PTPN4: variants seen among roughly 807,000 people sequenced by gnomAD.
PTPN4 encodes tyrosine-protein phosphatase non-receptor type 4.
A neutral mutation model predicts 135.5 loss-of-function variants in PTPN4; 49 were observed. That is an observed-to-expected ratio of 0.36 (90% CI 0.29 to 0.46). The LOEUF (loss-of-function observed/expected upper bound fraction) is 0.46. PTPN4 is among the 20% of genes least tolerant of loss of function. The probability of loss-of-function intolerance (pLI) is 1.00; values close to 1 mark genes in which losing one functional copy is unlikely to be tolerated. For synonymous variants in PTPN4, 333 were observed against 369.9 expected, an observed-to-expected ratio of 0.90 and a Z score of 1.14; for missense variants, 860 against 1,101.0, an observed-to-expected ratio of 0.78 and a Z score of 3.10.
intron 22 of PTPN4, among the ~76,000 whole-genome samples, chr2:119,958,608 A>G (rs1159379629): frequency 6.6e-6 from 1 of 152,194 alleles, no homozygotes; most frequent in East Asian, 1.9e-4. Context: ...CGATGTTGTC[A>G]TGCTCTAGAA....
intron 9 of PTPN4, among the ~76,000 whole-genome samples, chr2:119,889,113 T>C (rs1678201402): frequency 6.6e-6 from 1 of 152,108 alleles, no homozygotes; most frequent in South Asian, 2.1e-4. Context: ...TGTCAGCTTG[T>C]AGTTGTTCGT....
At chr2:119,811,994 A>C (rs1438558564) in intron 2 of PTPN4, among the ~76,000 whole-genome samples, 5 of 152,112 alleles carry the variant, frequency 3.3e-5, no homozygotes, top group African/African-American at 1.2e-4. Context: ...CTGTGGTGCT[A>C]GAAACTTTCT....
chr2:119,761,128 T>C lies in PTPN4; in HGVS notation c.-18+744T>C, dbSNP rs78296585. 3.5e-3 allele frequency among the ~76,000 whole-genome samples: 534 copies of C among 152,294 alleles called. 3 individuals are homozygous for C. Among genetic ancestry groups the C allele is most frequent in the African/African-American group, 0.013 (521 of 41,556 alleles). ...TGCAATATGCCAGCTGCTTTTCGAA[T>C]AAGAGGTTTCAGTAATACTAAGTTT... On this transcript the variant is annotated intron_variant, in intron 1 of 26. Transcript: ENST00000263708.
At position 119,769,051 on chromosome 2, in the gene PTPN4, A is replaced by G. The variant is rs17049896; in HGVS notation, c.-18+8667A>G. On this transcript the variant is annotated intron_variant, in intron 1 of 26. Coordinates refer to ENST00000263708, the MANE Select transcript of PTPN4 (RefSeq NM_002830.4). Reference sequence around the variant, plus strand: ...GGTTGTATAGATGGTAGCTGAAGCAATGGGTGGGACTGTCACTGCTTATGA... The same window carrying G: ...GGTTGTATAGATGGTAGCTGAAGCAGTGGGTGGGACTGTCACTGCTTATGA... 2.3e-3 allele frequency among the ~76,000 whole-genome samples: 353 copies of G among 152,340 alleles called. 17 individuals are homozygous for G. In the East Asian group the frequency reaches 0.048, roughly 21 times the overall value.
intron 12 of PTPN4, among the ~76,000 whole-genome samples, chr2:119,920,802 A>G (rs529526446): frequency 2.0e-5 from 3 of 152,216 alleles, no homozygotes; most frequent in South Asian, 2.1e-4. Context: ...TTTGGGGAAT[A>G]ACTAAATCTG....
At chr2:119,776,928 T>G (rs1020285852) in intron 1 of PTPN4, among the ~76,000 whole-genome samples, 7 of 152,232 alleles carry the variant, frequency 4.6e-5, no homozygotes, top group African/African-American at 1.7e-4. Flanking sequence ...TCAGTGCCCC[T>G]AAACCCTGCA....
intron 1 of PTPN4, among the ~76,000 whole-genome samples, chr2:119,766,793 T>G (rs958510372): frequency 6.6e-6 from 1 of 151,930 alleles, no homozygotes; most frequent in Non-Finnish European, 1.5e-5. Flanking sequence ...AATATAGATA[T>G]GAGATTAGAA....
rs1024619796 is a variant in PTPN4 at position 119,956,933 on chromosome 2, T to G, written c.2070T>G (p.Pro690=). The change falls in exon 21 of 27, where the codon CCT becomes CCG. Residue 690 remains proline (P), a splice_region_variant and synonymous_variant. Coordinates refer to ENST00000263708, the MANE Select transcript of PTPN4 (RefSeq NM_002830.4). Reference sequence around the variant, plus strand: ...AAAATAGATACAGAGATATTTCGCCTTGTAAGTATCTTATTGTCTCTGTTA... The same window carrying G: ...AAAATAGATACAGAGATATTTCGCCGTGTAAGTATCTTATTGTCTCTGTTA... ...ISKNRYRDIS[P]YDATRVILKG... 10 of 1,609,876 alleles carry G rather than the reference T, an allele frequency of 6.2e-6. No homozygotes were observed. The highest frequency in any genetic ancestry group is 7.6e-6 in the Non-Finnish European group (9 of 1,179,054).
chr2:119,855,288 A>G (rs1479797063), intron 2 of PTPN4, among the ~76,000 whole-genome samples: 1 of 152,128 alleles, frequency 6.6e-6, no homozygotes, highest in Non-Finnish European at 1.5e-5. Context: ...TAAGTTAGGG[A>G]TGTCCCCAGA....
intron 9 of PTPN4, among the ~76,000 whole-genome samples, chr2:119,897,129 C>T (rs2105012721): frequency 6.6e-6 from 1 of 152,134 alleles, no homozygotes; most frequent in East Asian, 1.9e-4. Flanking sequence ...GACGGGGTTT[C>T]ACCATGTTGG....
At chr2:119,858,826 A>G (rs1349465927) in intron 2 of PTPN4, among the ~76,000 whole-genome samples, 1 of 151,818 alleles carries the variant, frequency 6.6e-6, no homozygotes, top group Non-Finnish European at 1.5e-5. Flanking sequence ...AGTAGAGACA[A>G]GGTTTCACCA....
intron 3 of PTPN4, among the ~76,000 whole-genome samples, chr2:119,872,272 G>T (rs1327563743): frequency 6.6e-6 from 1 of 151,982 alleles, no homozygotes; most frequent in Non-Finnish European, 1.5e-5. Context: ...TTATTTGGGA[G>T]ATGCTCTTCC....
intron 1 of PTPN4, among the ~76,000 whole-genome samples, chr2:119,774,362 A>AT (rs1384628856): frequency 6.6e-6 from 1 of 152,114 alleles, no homozygotes; most frequent in Non-Finnish European, 1.5e-5. Flanking sequence ...GATAAAGACC[A>AT]TTTTTTTGTT....
chr2:119,952,645 A>T (rs1250487573), intron 19 of PTPN4, among the ~76,000 whole-genome samples: 1 of 152,238 alleles, frequency 6.6e-6, no homozygotes, highest in Non-Finnish European at 1.5e-5. Context: ...AACAAGCTAT[A>T]GTTAAAGTGT....
At chr2:119,932,191 A>G (rs1204844432) in intron 13 of PTPN4, 3 of 262,170 alleles carry the variant, frequency 1.1e-5, no homozygotes, top group Non-Finnish European at 2.1e-5. Context: ...CATCCTTCTT[A>G]TTGTCTATCT....
rs1679632297 is a variant in PTPN4, at chr2:119,977,291, A to C, written c.*221A>C. On this transcript the variant is annotated 3_prime_UTR_variant, in exon 27 of 27. Coordinates refer to ENST00000263708, the MANE Select transcript of PTPN4 (RefSeq NM_002830.4). ...AAGACTGTTTCATGCTTTGCTCCGA[A>C]CAAATAGTAAATAACTGAGTATGTT... 1.5e-6 allele frequency: 1 copy of C among 671,860 alleles called. No individual in the cohort carries two copies. Among genetic ancestry groups the C allele is most frequent in the South Asian group, 4.3e-5 (1 of 23,264 alleles). 41.6% of individuals were successfully genotyped at this position (671,860 alleles called of 1,614,324 possible). A position where few individuals can be genotyped will look rare whatever the true frequency, so the allele number is the denominator to read the frequency against.
At chr2:119,966,500 C>T (rs1336875739) in intron 25 of PTPN4, among the ~76,000 whole-genome samples, 2 of 152,166 alleles carry the variant, frequency 1.3e-5, no homozygotes, top group African/African-American at 4.8e-5. Flanking sequence ...TCAAGGGATC[C>T]ACCTACTTCG....
chr2:119,833,179 AATTTTGTG>A (rs2104964459), intron 2 of PTPN4, among the ~76,000 whole-genome samples: 1 of 151,090 alleles, frequency 6.6e-6, no homozygotes, highest in South Asian at 2.1e-4. Flanking sequence ...ATCTTTAAGT[AATTTTGTG>A]GTATGGTGCA....
intron 2 of PTPN4, among the ~76,000 whole-genome samples, chr2:119,818,013 T>G (rs1274053326): frequency 6.6e-6 from 1 of 152,182 alleles, no homozygotes; most frequent in Non-Finnish European, 1.5e-5. Context: ...GTTGATTTTG[T>G]TTCCTGAGAC....
Sources: gnomAD v4.1 joint callset for allele counts (sites outside exome capture counted in the v4.1 genomes callset) on GRCh38, gnomAD v4.1.1 for gene constraint, MANE v1.5 for transcripts, NCBI Gene and HGNC (gene_info 2026-07-23, HGNC 2026-07-21) for gene names.